PHACTR1: variants seen among roughly 807,000 people sequenced by gnomAD.
PHACTR1 encodes phosphatase and actin regulator 1.
PHACTR1 carries 16 observed loss-of-function variants against 69.2 expected under a neutral mutation model. That is an observed-to-expected ratio of 0.23 (90% CI 0.16 to 0.35). The LOEUF (loss-of-function observed/expected upper bound fraction) is 0.35. PHACTR1 is among the 10% of genes least tolerant of loss of function. PHACTR1 has a pLI of 1.00. For missense variants in PHACTR1, 510 were observed against 734.7 expected (o/e 0.69, Z 3.54); for synonymous variants, 312 against 284.5 (o/e 1.10, Z -0.97).
intron 4 of PHACTR1, among the ~76,000 whole-genome samples, chr6:12,998,240 T>TAACA (rs1797662791): frequency 6.6e-6 from 1 of 152,084 alleles, no homozygotes; most frequent in Admixed American, 6.5e-5. Context: ...ACAACCTAAA[T>TAACA]ATGTAAAGCA....
intron 4 of PHACTR1, among the ~76,000 whole-genome samples, chr6:12,764,089 G>A (rs6916421): frequency 0.45 from 67,994 of 151,638 alleles, 16,088 homozygotes; most frequent in African/African-American, 0.58. Flanking sequence ...ATGTTGTAAT[G>A]AAAAGGCACA....
At chr6:12,816,935 G>A (rs1304368874) in intron 4 of PHACTR1, among the ~76,000 whole-genome samples, 2 of 152,170 alleles carry the variant, frequency 1.3e-5, no homozygotes, top group Non-Finnish European at 2.9e-5. Flanking sequence ...TTGCCAACCG[G>A]GAAGGACACT....
intron 4 of PHACTR1, among the ~76,000 whole-genome samples, chr6:12,784,061 T>C (rs9296464): frequency 0.37 from 56,446 of 151,806 alleles, 11,284 homozygotes; most frequent in African/African-American, 0.5. Context: ...TATGCACATA[T>C]ACATGATATA....
At chr6:12,984,826 A>G (rs189665202) in intron 4 of PHACTR1, among the ~76,000 whole-genome samples, 91 of 152,350 alleles carry the variant, frequency 6.0e-4, no homozygotes, top group African/African-American at 2.1e-3. Flanking sequence ...AATACTGGAG[A>G]GTTCATCAAT....
intron 5 of PHACTR1, among the ~76,000 whole-genome samples, chr6:13,133,910 C>T (rs1224583908): frequency 6.6e-6 from 1 of 151,756 alleles, no homozygotes; most frequent in Admixed American, 6.6e-5. Flanking sequence ...GCCCGGCCGC[C>T]CATCGTCTGA....
intron 4 of PHACTR1, among the ~76,000 whole-genome samples, chr6:13,042,872 C>T (rs1804405077): frequency 6.6e-6 from 1 of 152,154 alleles, no homozygotes; most frequent in African/African-American, 2.4e-5. Flanking sequence ...AGAGAGGAAG[C>T]CGATGGGACT....
At chr6:12,933,962 G>T in intron 4 of PHACTR1, 5 of 1,575,734 alleles carry the variant, frequency 3.2e-6, no homozygotes, top group Non-Finnish European at 4.3e-6. Context: ...ATTTCCTAGA[G>T]TTGCTGTAAC....
chr6:12,778,190 C>T (rs1770340853), intron 4 of PHACTR1, among the ~76,000 whole-genome samples: 1 of 152,182 alleles, frequency 6.6e-6, no homozygotes, highest in Admixed American at 6.5e-5. Context: ...TAAGCATGTA[C>T]ATATACAAAC....
At chr6:12,802,585 A>G (rs748342700) in intron 4 of PHACTR1, among the ~76,000 whole-genome samples, 6 of 152,214 alleles carry the variant, frequency 3.9e-5, no homozygotes, top group Non-Finnish European at 7.3e-5. Context: ...CATCAACCGT[A>G]GGATGTACCA....
intron 4 of PHACTR1, among the ~76,000 whole-genome samples, chr6:12,983,042 G>A (rs1252025360): frequency 6.6e-6 from 1 of 152,218 alleles, no homozygotes; most frequent in African/African-American, 2.4e-5. Context: ...CATTTAGTTA[G>A]TAGAAAAGCT....
chr6:12,858,731 G>T (rs967368161), intron 4 of PHACTR1, among the ~76,000 whole-genome samples: 21 of 151,904 alleles, frequency 1.4e-4, no homozygotes, highest in African/African-American at 5.1e-4. Context: ...AAGAGTTTCA[G>T]TATGCAGTGA....
intron 4 of PHACTR1, among the ~76,000 whole-genome samples, chr6:12,941,372 CA>C (rs765422205): frequency 6.6e-5 from 10 of 151,816 alleles, no homozygotes; most frequent in South Asian, 2.1e-4. Context: ...TTTGTTATGG[CA>C]TAAATCACCT....
chr6:13,123,702 CAG>C (rs1200445633), intron 5 of PHACTR1, among the ~76,000 whole-genome samples: 1 of 152,054 alleles, frequency 6.6e-6, no homozygotes, highest in African/African-American at 2.4e-5. Flanking sequence ...TCTTCTGAAA[CAG>C]AAAAAAGAAC....
intron 8 of PHACTR1, among the ~76,000 whole-genome samples, chr6:13,220,330 C>G (rs1454842282): frequency 6.6e-5 from 10 of 152,140 alleles, no homozygotes; most frequent in Non-Finnish European, 1.0e-4. Context: ...TTGGTGCTAC[C>G]TAGGTGATAG....
intron 5 of PHACTR1, among the ~76,000 whole-genome samples, chr6:13,064,495 A>G (rs1391125468): frequency 2.1e-5 from 3 of 144,276 alleles, no homozygotes; most frequent in Non-Finnish European, 4.5e-5. Flanking sequence ...AGCAAATGGT[A>G]TAATAAGCAA....
intron 5 of PHACTR1, among the ~76,000 whole-genome samples, chr6:13,062,931 G>GA (rs1807901968): frequency 1.3e-5 from 2 of 152,258 alleles, no homozygotes; most frequent in South Asian, 2.1e-4. Flanking sequence ...TTGATAGGTT[G>GA]AAAAAATGGA....
intron 5 of PHACTR1, among the ~76,000 whole-genome samples, chr6:13,091,989 G>A (rs1024365794): frequency 2.0e-5 from 3 of 152,034 alleles, no homozygotes; most frequent in Non-Finnish European, 2.9e-5. Context: ...TAGTAGAGAC[G>A]GGGTTTCACT....
chr6:13,155,353 T>C (rs1338219998), intron 5 of PHACTR1, among the ~76,000 whole-genome samples: 3 of 152,192 alleles, frequency 2.0e-5, no homozygotes, highest in Non-Finnish European at 4.4e-5. Context: ...CTCATCTCAC[T>C]GCTGCCCAAG....
At chr6:13,214,461 C>T (rs974640918) in intron 8 of PHACTR1, among the ~76,000 whole-genome samples, 1 of 152,186 alleles carries the variant, frequency 6.6e-6, no homozygotes, top group Non-Finnish European at 1.5e-5. Flanking sequence ...CTTATTAATT[C>T]TCTTGGAGCA....
Sources: gnomAD v4.1 joint callset for allele counts (sites outside exome capture counted in the v4.1 genomes callset) on GRCh38, gnomAD v4.1.1 for gene constraint, MANE v1.5 for transcripts, NCBI Gene and HGNC (gene_info 2026-07-23, HGNC 2026-07-21) for gene names.